The following SYNE1 variants were observed in gnomAD, a reference collection of about 807,000 sequenced individuals.
SYNE1 encodes spectrin repeat containing nuclear envelope protein 1.
In SYNE1, 616 loss-of-function variants were observed where a neutral mutation model predicts 1,111.0. That is an observed-to-expected ratio of 0.55 (90% CI 0.52 to 0.59). SYNE1 has a LOEUF of 0.59. SYNE1 is among the 20% of genes least tolerant of loss of function. The pLI, the probability that SYNE1 is intolerant of heterozygous loss-of-function variation, is 0.00. For missense variants in SYNE1, 10,006 were observed against 10,417.0 expected (o/e 0.96, Z 1.72); for synonymous variants, 3,855 against 3,825.8 (o/e 1.01, Z -0.28).
In SYNE1 at chr6:152,293,759, A is replaced by T. The variant is rs1487318152; in HGVS notation, c.17851-10T>A. The T allele has an allele frequency of 1.2e-6, 2 of 1,614,026 alleles. No homozygotes were observed. The highest frequency in any genetic ancestry group is 2.2e-5 in the South Asian group (2 of 91,074). ...GCTGCTTCTCACTGATCTACACCAG[A>T]AAAGGGATATTACCAAATGCTTCCC... On this transcript the variant is annotated splice_polypyrimidine_tract_variant and intron_variant, in intron 94 of 145. Transcript: ENST00000367255.
At chr6:152,481,185 A>G (rs2098893920) in intron 14 of SYNE1, 1 of 213,860 alleles carries the variant, frequency 4.7e-6, no homozygotes. Context: ...GTGGTGGGAC[A>G]TTTAAGTCAA....
rs186200222 is a variant in SYNE1 at position 152,230,523 on chromosome 6, A to G, written c.21195+24T>C. The G allele has an allele frequency of 4.3e-6, 7 of 1,612,724 alleles. No individual in the cohort carries two copies. The Admixed American group carries it at 6.7e-5, about 15-fold the overall frequency. On this transcript the variant is annotated intron_variant, in intron 115 of 145. Transcript: ENST00000367255. ...ACGCTATGAAATTGTGAGATGGTGC[A>G]TGTTAGCCACCTGGACAAGTTACCT...
intron 56 of SYNE1, among the ~76,000 whole-genome samples, chr6:152,379,953 T>G (rs1253949026): frequency 6.6e-6 from 1 of 152,204 alleles, no homozygotes; most frequent in Non-Finnish European, 1.5e-5. Context: ...TAACTGATTT[T>G]TTCATATTAT....
Position 152,447,543 on chromosome 6 carries a change from G to T in SYNE1, c.3584C>A (p.Ser1195Tyr). The T allele has an allele frequency of 6.2e-7, 1 of 1,614,202 alleles. No homozygotes were observed. Among genetic ancestry groups the T allele is most frequent in the Non-Finnish European group, 8.5e-7 (1 of 1,180,036 alleles). The change falls in exon 29 of 146, where the codon TCT becomes TAT. Residue 1195 changes from serine (S) to tyrosine (Y), a missense_variant. Physicochemically the swap from Ser to Tyr is moderately radical, Grantham distance 144 (BLOSUM62 -2). This residue lies in a region of SYNE1 where 1,971 missense variants were observed against 2,084.1 expected (regional missense o/e 0.95). Coordinates refer to ENST00000367255, the MANE Select transcript of SYNE1 (RefSeq NM_182961.4). ...CTGCTTTTGGGCTTCATTCTCAGAA[G>T]AAACTTCTGTCAAAACTTTCAGCCT... ...KSRLKVLTEVSSENEAQKQGD... is the reference protein window; with the variant it reads ...KSRLKVLTEVYSENEAQKQGD...
intron 132 of SYNE1, 29 bp from the exon 133 acceptor site, chr6:152,155,071 A>C (rs1385719827): frequency 1.2e-6 from 2 of 1,613,822 alleles, no homozygotes; most frequent in African/African-American, 2.7e-5. Context: ...GAACAGATTC[A>C]GATTATTGGA....
In SYNE1 at chr6:152,315,197, C is replaced by CTATTTT. The variant is rs1159137526; in HGVS notation, c.16710+1651_16710+1652insAAAATA. Reference sequence around the variant, plus strand: ...AGGAGCCAACAGGCCAGAGTAGTAACTTTTTTTTTTTTTTTTTTTTTTTTG... The same window carrying CTATTTT: ...AGGAGCCAACAGGCCAGAGTAGTAACTATTTTTTTTTTTTTTTTTTTTTTTTTTTTG... On this transcript the variant is annotated intron_variant, in intron 87 of 145. Coordinates refer to ENST00000367255, the MANE Select transcript of SYNE1 (RefSeq NM_182961.4). The CTATTTT allele has an allele frequency of 6.3e-5, 7 of 110,934 alleles. 1 individual carries two copies. The highest frequency in any genetic ancestry group is 7.0e-5 in the African/African-American group (2 of 28,666). 6.9% of individuals were successfully genotyped at this position (110,934 alleles called of 1,614,324 possible).
intron 56 of SYNE1, among the ~76,000 whole-genome samples, chr6:152,378,763 C>T (rs1385423236): frequency 2.0e-5 from 3 of 152,158 alleles, no homozygotes; most frequent in African/African-American, 4.8e-5. Flanking sequence ...CCCACCTCTT[C>T]GGGTTTCTCA....
rs141372683 is a variant in SYNE1, at chr6:152,610,610, G to T, written c.67+17655C>A. ...AGGAGAACTTACCCAACCTAGCAAG[G>T]CAGGCCAACATTCAAATACAGGAAG... is the stretch of plus-strand genomic sequence containing the variant. On this transcript the variant is annotated intron_variant, in intron 3 of 145. Coordinates refer to ENST00000367255, the MANE Select transcript of SYNE1 (RefSeq NM_182961.4). Among the ~76,000 whole-genome samples the T allele has an allele frequency of 5.3e-3, 804 of 152,182 alleles. 3 individuals carry two copies. Among genetic ancestry groups the T allele is most frequent in the African/African-American group, 0.019 (783 of 41,514 alleles).
At chr6:152,433,310 T>C (rs2098445863) in intron 34 of SYNE1, among the ~76,000 whole-genome samples, 1 of 152,162 alleles carries the variant, frequency 6.6e-6, no homozygotes. Flanking sequence ...TCCAAGGTCA[T>C]AAATGAAAAC....
intron 106 of SYNE1, among the ~76,000 whole-genome samples, chr6:152,242,715 A>T (rs2086043883): frequency 6.6e-6 from 1 of 152,162 alleles, no homozygotes; most frequent in Non-Finnish European, 1.5e-5. Flanking sequence ...TGGTGGTTCA[A>T]GTTCTTTCAT....
chr6:152,527,433 A>G (rs890958435), intron 4 of SYNE1, among the ~76,000 whole-genome samples: 1 of 152,178 alleles, frequency 6.6e-6, no homozygotes, highest in Non-Finnish European at 1.5e-5. Flanking sequence ...TCCACCATTC[A>G]CGCTGCTTCT....
At chr6:152,388,760 C>T (rs143739890) in intron 53 of SYNE1, among the ~76,000 whole-genome samples, 1 of 152,364 alleles carries the variant, frequency 6.6e-6, no homozygotes, top group Non-Finnish European at 1.5e-5. Flanking sequence ...TGCTATCACT[C>T]AATATGTCAC....
chr6:152,178,002 A>G (rs956693380), intron 129 of SYNE1, among the ~76,000 whole-genome samples: 2 of 151,990 alleles, frequency 1.3e-5, no homozygotes, highest in Non-Finnish European at 2.9e-5. Context: ...ATTTTCCTTT[A>G]CAAAAGAGAC....
rs778475037 is a variant in SYNE1, at chr6:152,334,250, G to A, written c.12552C>T (p.Ser4184=). 1.9e-6 allele frequency: 3 copies of A among 1,613,654 alleles called. No individual in the cohort carries two copies. Among genetic ancestry groups the A allele is most frequent in the Non-Finnish European group, 2.5e-6 (3 of 1,180,022 alleles). The change falls in exon 77 of 146, where the codon AGC becomes AGT. Residue 4184 remains serine, a synonymous_variant. Transcript: ENST00000367255. The stretch of plus-strand genomic sequence containing the variant: ...TTATGGTGTTCACGGATGCCTGTTT[G>A]CTCTGTAGTTTCTTAACAAAATCCT... ...QVKDFVKKLQ[S]KQASVNTIIE...
intron 14 of SYNE1, 78 bp from the exon 15 acceptor site, chr6:152,472,491 C>T: frequency 1.5e-6 from 2 of 1,299,532 alleles, no homozygotes; most frequent in African/African-American, 1.5e-5. Context: ...TTCCAGCCCG[C>T]ACCGATGAGT....
chr6:152,138,475 C>T (rs2057614593), intron 140 of SYNE1, among the ~76,000 whole-genome samples: 1 of 151,554 alleles, frequency 6.6e-6, no homozygotes, highest in Non-Finnish European at 1.5e-5. Context: ...CGCACCACTG[C>T]ACTCTAGCCT....
At chr6:152,557,296 A>C (rs1448373803) in intron 3 of SYNE1, among the ~76,000 whole-genome samples, 1 of 152,158 alleles carries the variant, frequency 6.6e-6, no homozygotes, top group Non-Finnish European at 1.5e-5. Flanking sequence ...AAAAGGGGAG[A>C]AGAAAGCCTA....
At chr6:152,140,241 A>G (rs2152801510) in intron 139 of SYNE1, 80 bp from the exon 140 acceptor site, 2 of 1,444,830 alleles carry the variant, frequency 1.4e-6, no homozygotes, top group Non-Finnish European at 1.9e-6. Context: ...ATAGGTTGGC[A>G]GCCAATTTTA....
At chr6:152,181,227 C>G (rs1488502988) in intron 128 of SYNE1, among the ~76,000 whole-genome samples, 1 of 85,022 alleles carries the variant, frequency 1.2e-5, no homozygotes, top group Non-Finnish European at 2.6e-5. Context: ...GCGTGGCCAA[C>G]ATGGTGAAAC....
Sources: gnomAD v4.1 joint callset for allele counts (sites outside exome capture counted in the v4.1 genomes callset) on GRCh38, gnomAD v4.1.1 for gene constraint, gnomAD v4.1.1 regional missense constraint, MANE v1.5 for transcripts, NCBI Gene and HGNC (gene_info 2026-07-23, HGNC 2026-07-21) for gene names.